VPS33A: variants seen among roughly 807,000 people sequenced by gnomAD.
VPS33A encodes the protein VPS33A core subunit of CORVET and HOPS complexes.
In VPS33A, 32 loss-of-function variants were observed where a neutral mutation model predicts 71.8. The observed-to-expected ratio is 0.45, with a 90% CI of 0.34 to 0.60. The LOEUF is 0.60. VPS33A is among the 20% of genes least tolerant of loss of function. VPS33A has a pLI of 0.02. For missense variants in VPS33A, 625 were observed against 748.5 expected (o/e 0.84, Z 1.92); for synonymous variants, 311 against 292.7 (o/e 1.06, Z -0.64).
chr12:122,242,578 A>C, intron 7 of VPS33A, 70 bp from the exon 8 acceptor site: 2 of 1,488,260 alleles, frequency 1.3e-6, no homozygotes, highest in East Asian at 2.5e-5. Context: ...TTTGAGAAGG[A>C]CTCTCGCTTT....
At position 122,261,291 on chromosome 12, in the gene VPS33A, G is replaced by A. The variant is rs1425702824; in HGVS notation, c.453C>T (p.Leu151=). 6.2e-7 allele frequency: 1 copy of A among 1,609,324 alleles called. No individual in the cohort carries two copies. The highest frequency in any genetic ancestry group is 8.5e-7 in the Non-Finnish European group (1 of 1,178,668). ...ATGCACCCTCTGATTCCATGGATAAGAGATCCCCATCGAATGGAATGAGAT... is the reference window on the plus strand; with the variant it reads ...ATGCACCCTCTGATTCCATGGATAAAAGATCCCCATCGAATGGAATGAGAT... ...SLDLIPFDGD[L]LSMESEGAFK... The change falls in exon 4 of 13, where the codon CTC becomes CTT. Residue 151 remains leucine, a synonymous_variant. Transcript: ENST00000267199.
chr12:122,263,108 TCA>T (rs1195160221), intron 3 of VPS33A, among the ~76,000 whole-genome samples: 4 of 150,378 alleles, frequency 2.7e-5, no homozygotes, highest in Non-Finnish European at 4.4e-5. Context: ...CTATCATGCC[TCA>T]GTCTCCCGAG....
intron 4 of VPS33A, among the ~76,000 whole-genome samples, chr12:122,260,141 G>A (rs1954973027): frequency 6.6e-6 from 1 of 152,162 alleles, no homozygotes; most frequent in Non-Finnish European, 1.5e-5. Context: ...GATAGCGACA[G>A]ACTGCTACTG....
rs554163858 is a variant in VPS33A at position 122,261,264 on chromosome 12, G to A, written c.480C>T (p.Phe160=). 1 of 1,599,396 alleles carries A rather than the reference G, an allele frequency of 6.3e-7. No homozygotes were observed. Among genetic ancestry groups the A allele is most frequent in the African/African-American group, 1.4e-5 (1 of 73,988 alleles). The change falls in exon 4 of 13, where the codon TTC becomes TTT. Residue 160 remains phenylalanine (F), a synonymous_variant. Transcript: ENST00000267199. ...GTTAAGGAAATGCCAAACTTACTTT[G>A]AATGCACCCTCTGATTCCATGGATA... is the stretch of plus-strand genomic sequence containing the variant. ...DLLSMESEGA[F]KECYLEGDQT...
rs1278296763 is a variant in VPS33A at position 122,263,637 on chromosome 12, C to A, written c.231G>T (p.Lys77Asn). Reference protein sequence around the residue: ...KGNRLPAADVKNIIFFVRPRL... With the variant: ...KGNRLPAADVNNIIFFVRPRL... ...TGGGTCTGACAAAAAAAATTATATT[C>A]TTCACATCAGCTGCCGGCAAACGAT... is the stretch of plus-strand genomic sequence containing the variant. The change falls in exon 3 of 13, where the codon AAG becomes AAT. Residue 77 changes from lysine to asparagine, a missense_variant. Lys to Asn is a moderately conservative substitution (Grantham distance 94). Coordinates refer to ENST00000267199, the MANE Select transcript of VPS33A (RefSeq NM_022916.6). 1.2e-6 allele frequency: 2 copies of A among 1,613,182 alleles called. No homozygotes were observed. The highest frequency in any genetic ancestry group is 1.7e-6 in the Non-Finnish European group (2 of 1,179,432).
At position 122,266,165 on chromosome 12, in the gene VPS33A, G is replaced by C. The variant is rs1040156278; in HGVS notation, c.102+142C>G. ...CTTCATCGCTGCCTCCTGCACAGGG[G>C]TGCAGGTAAAAGGGCCCTGAGGCTC... On this transcript the variant is annotated intron_variant, in intron 1 of 12. Coordinates refer to ENST00000267199, the MANE Select transcript of VPS33A (RefSeq NM_022916.6). 17 of 1,260,200 alleles carry C rather than the reference G, an allele frequency of 1.3e-5. No homozygotes were observed. In the African/African-American group the frequency reaches 2.6e-4, roughly 19 times the overall value. The allele number at this position is 1,260,200 out of a possible 1,614,324, so 78.1% of individuals were successfully genotyped here. A position where few individuals can be genotyped will look rare whatever the true frequency, so the allele number is the denominator to read the frequency against.
At chr12:122,241,608 T>C (rs1024690269) in intron 8 of VPS33A, among the ~76,000 whole-genome samples, 1 of 151,844 alleles carries the variant, frequency 6.6e-6, no homozygotes, top group Admixed American at 6.6e-5. Flanking sequence ...CCCAGTCTTT[T>C]TTTTTTTTAA....
chr12:122,238,450 A>C (rs749193169), intron 10 of VPS33A, 137 bp downstream of exon 10: 35 of 1,079,668 alleles, frequency 3.2e-5, no homozygotes, highest in Non-Finnish European at 4.3e-5. Flanking sequence ...TCAAACTCCT[A>C]ACCTCAAGTG....
intron 5 of VPS33A, 106 bp downstream of exon 5, chr12:122,250,876 TA>T: frequency 1.2e-6 from 1 of 813,114 alleles, no homozygotes; most frequent in Non-Finnish European, 2.0e-6. Flanking sequence ...ACAGTATTCA[TA>T]AATAATTAAG....
At position 122,232,888 on chromosome 12, in the gene VPS33A, G is replaced by A. The variant is rs539115282; in HGVS notation, c.1521C>T (p.Gly507=). ...VRLAQLLSRP[G]WRSIEEVLRI... ...GGAGGACCTCCTCGATGCTCCGCCA[G>A]CCAGGCCGGGAAAGCAGCTGGGCCA... Residue 507 remains glycine (G), a synonymous_variant, in exon 12 of 13, where the codon GGC becomes GGT. Transcript: ENST00000267199. 1.9e-6 allele frequency: 3 copies of A among 1,614,030 alleles called. No homozygotes were observed. In the African/African-American group the frequency reaches 4.0e-5, roughly 22 times the overall value.
At chr12:122,261,185 A>G in intron 4 of VPS33A, 76 bp downstream of exon 4, 1 of 1,203,422 alleles carries the variant, frequency 8.3e-7, no homozygotes, top group African/African-American at 1.6e-5. Context: ...CTTCACAGTA[A>G]TCAGTACTGT....
At chr12:122,239,331 G>A (rs1455568359) in intron 9 of VPS33A, among the ~76,000 whole-genome samples, 1 of 152,210 alleles carries the variant, frequency 6.6e-6, no homozygotes, top group African/African-American at 2.4e-5. Context: ...TTTGATTTTA[G>A]GGGCCAGGTC....
intron 10 of VPS33A, among the ~76,000 whole-genome samples, chr12:122,238,307 G>A (rs1019655694): frequency 1.7e-4 from 26 of 152,118 alleles, no homozygotes; most frequent in Admixed American, 4.6e-4. Context: ...TGTAACCTCC[G>A]CCTCCTGCGT....
At chr12:122,235,066 G>A (rs74606484) in intron 11 of VPS33A, among the ~76,000 whole-genome samples, 1,560 of 151,532 alleles carry the variant, frequency 0.01, 21 homozygotes, top group African/African-American at 0.036. Flanking sequence ...CACTGCAACC[G>A]CCTCCTGGGC....
chr12:122,242,640 C>G lies in VPS33A; in HGVS notation c.970-132G>C, dbSNP rs961799373. 3.4e-6 allele frequency: 4 copies of G among 1,165,546 alleles called. No individual in the cohort carries two copies. In the African/African-American group the frequency reaches 6.2e-5, roughly 18 times the overall value. The allele number at this position is 1,165,546 out of a possible 1,614,324, so 72.2% of individuals were successfully genotyped here. ...CAATCTCGGCTCACTGCAACCTCCG[C>G]CTCCCAGGTTCAAGTGATTCTCATG... On this transcript the variant is annotated intron_variant, in intron 7 of 12. Transcript: ENST00000267199.
At chr12:122,263,447 A>G (rs750671695) in intron 3 of VPS33A, 125 bp downstream of exon 3, 30 of 1,179,348 alleles carry the variant, frequency 2.5e-5, no homozygotes, top group Admixed American at 1.1e-4. Context: ...TTCCATGCCT[A>G]TCTCAGTTTT....
chr12:122,255,961 G>A (rs1179193420), intron 4 of VPS33A, among the ~76,000 whole-genome samples: 2 of 151,464 alleles, frequency 1.3e-5, no homozygotes, highest in Non-Finnish European at 2.9e-5. Flanking sequence ...ACATCACCAC[G>A]TGTGGCTAGT....
In VPS33A at chr12:122,251,826, T is replaced by C. The variant is rs1039414830; in HGVS notation, c.484-727A>G. On this transcript the variant is annotated intron_variant, in intron 4 of 12. Transcript: ENST00000267199. ...CATTAGGAGATATACCTAATGTAAATGATGAGTTAATGGGTGCAGCACACC... is the reference window on the plus strand; with the variant it reads ...CATTAGGAGATATACCTAATGTAAACGATGAGTTAATGGGTGCAGCACACC... Among the ~76,000 whole-genome samples, 4 of 150,628 alleles carry C rather than the reference T, an allele frequency of 2.7e-5. No individual in the cohort carries two copies. The East Asian group carries it at 5.9e-4, about 22-fold the overall frequency.
chr12:122,264,110 A>G, intron 2 of VPS33A, 24 bp downstream of exon 2: 1 of 1,506,514 alleles, frequency 6.6e-7, no homozygotes, highest in South Asian at 1.4e-5. Flanking sequence ...TAATCCCCTA[A>G]CAAAACCCAA....
Sources: gnomAD v4.1 joint callset for allele counts (sites outside exome capture counted in the v4.1 genomes callset) on GRCh38, gnomAD v4.1.1 for gene constraint, MANE v1.5 for transcripts, NCBI Gene and HGNC (gene_info 2026-07-23, HGNC 2026-07-21) for gene names.